DHRSX: variants seen among roughly 807,000 people sequenced by gnomAD.
DHRSX encodes the protein dehydrogenase/reductase X-linked, also known as polyprenol dehydrogenase.
In DHRSX, 31 loss-of-function variants were observed where a neutral mutation model predicts 34.0. The ratio of observed to expected loss-of-function variants is 0.91; its 90% CI spans 0.69 to 1.23. DHRSX has a LOEUF of 1.23. Ranked by LOEUF, DHRSX falls within the 50% of genes most tolerant of loss-of-function variation. The pLI is 0.00. For missense variants in DHRSX, 414 were observed against 428.1 expected, an observed-to-expected ratio of 0.97 and a Z score of 0.29; for synonymous variants, 201 against 183.8, an observed-to-expected ratio of 1.09 and a Z score of -0.76.
Position 2,453,110 on chromosome X carries a change from A to C in DHRSX, c.110-27806T>G, listed in dbSNP as rs2044247808. Among the ~76,000 whole-genome samples the C allele has an allele frequency of 4.6e-5, 7 of 152,338 alleles. No homozygotes were observed. The South Asian group carries it at 1.5e-3, about 32-fold the overall frequency. ...GGAAGATACAAGGTGAAGTGAAATG[A>C]AACAGGCACAGAGAGACAAATACCA... On this transcript the variant is annotated intron_variant, in intron 1 of 6. Transcript: ENST00000334651.
intron 5 of DHRSX, among the ~76,000 whole-genome samples, chrX:2,260,636 T>C (rs1248538868): frequency 6.6e-6 from 1 of 152,008 alleles, no homozygotes; most frequent in East Asian, 1.9e-4. Flanking sequence ...ATTTTTTGTA[T>C]TTTTAGTAGA....
intron 1 of DHRSX, among the ~76,000 whole-genome samples, chrX:2,494,070 C>T (rs776385722): frequency 2.0e-5 from 3 of 151,978 alleles, no homozygotes; most frequent in East Asian, 1.9e-4. Flanking sequence ...AGTTTGTACT[C>T]GGTTATTATT....
At chrX:2,290,062 T>C (rs1356559691) in intron 4 of DHRSX, among the ~76,000 whole-genome samples, 1 of 152,224 alleles carries the variant, frequency 6.6e-6, no homozygotes, top group Non-Finnish European at 1.5e-5. Context: ...ATCAAATACA[T>C]ATACAAATAC....
chrX:2,455,761 AC>A (rs1386626449), intron 1 of DHRSX, among the ~76,000 whole-genome samples: 16 of 150,446 alleles, frequency 1.1e-4, no homozygotes, highest in East Asian at 1.9e-4. Context: ...AAAAAAAAAA[AC>A]AATAAAAAGC....
chrX:2,351,198 G>A (rs1382722400), intron 3 of DHRSX, among the ~76,000 whole-genome samples: 1 of 152,166 alleles, frequency 6.6e-6, no homozygotes, highest in Admixed American at 6.6e-5. Flanking sequence ...GCACACCTAT[G>A]TAACGAACCT....
chrX:2,447,683 G>A (rs9803178), intron 1 of DHRSX, among the ~76,000 whole-genome samples: 41,841 of 148,458 alleles, frequency 0.28, 6,297 homozygotes, highest in South Asian at 0.41. Flanking sequence ...TAGACACACA[G>A]TGGAATAGTA....
At chrX:2,411,265 C>T (rs1024276951) in intron 2 of DHRSX, among the ~76,000 whole-genome samples, 14 of 152,100 alleles carry the variant, frequency 9.2e-5, no homozygotes, top group Admixed American at 4.6e-4. Flanking sequence ...AGGGTGCGGC[C>T]GGGTGCGGTG....
intron 3 of DHRSX, among the ~76,000 whole-genome samples, chrX:2,346,933 A>G (rs1310775714): frequency 2.6e-5 from 4 of 152,006 alleles, no homozygotes; most frequent in African/African-American, 9.7e-5. Context: ...GTTTGCTGAG[A>G]ATGATGGTTT....
At chrX:2,317,616 G>A in intron 3 of DHRSX, among the ~76,000 whole-genome samples, 1 of 150,454 alleles carries the variant, frequency 6.6e-6, no homozygotes, top group South Asian at 2.1e-4. Context: ...CAGGCAGGAG[G>A]GAAAGAGGAA....
chrX:2,256,999 G>T (rs901797680), intron 5 of DHRSX, among the ~76,000 whole-genome samples: 15 of 152,158 alleles, frequency 9.9e-5, no homozygotes, highest in African/African-American at 3.6e-4. Flanking sequence ...GCCCAGGCTG[G>T]AGTGCAGTGG....
intron 3 of DHRSX, among the ~76,000 whole-genome samples, chrX:2,298,947 T>C (rs952808428): frequency 7.3e-6 from 1 of 136,436 alleles, no homozygotes; most frequent in Non-Finnish European, 1.5e-5. Context: ...CTCGTGCCAT[T>C]GCACTCCAGC....
chrX:2,311,281 G>A (rs1206041627), intron 3 of DHRSX, among the ~76,000 whole-genome samples: 1 of 152,018 alleles, frequency 6.6e-6, no homozygotes, highest in African/African-American at 2.4e-5. Context: ...GGAGAGAGCT[G>A]CCTGGCATGG....
chrX:2,455,683 G>A (rs750100686), intron 1 of DHRSX, among the ~76,000 whole-genome samples: 1 of 148,058 alleles, frequency 6.8e-6, no homozygotes, highest in African/African-American at 2.5e-5. Context: ...GGAGGTTGCA[G>A]TGAGCCGAGA....
intron 4 of DHRSX, among the ~76,000 whole-genome samples, chrX:2,272,666 A>G (rs1215948108): frequency 1.3e-5 from 2 of 152,028 alleles, no homozygotes; most frequent in African/African-American, 4.8e-5. Flanking sequence ...GGCCCCAGGT[A>G]CCTGTTCTTG....
intron 6 of DHRSX, among the ~76,000 whole-genome samples, chrX:2,231,357 G>A (rs2015871997): frequency 6.6e-6 from 1 of 151,850 alleles, no homozygotes; most frequent in Non-Finnish European, 1.5e-5. Context: ...TCACCTCTGA[G>A]CCTGAGAGAA....
At chrX:2,322,914 GT>G (rs2042330208) in intron 3 of DHRSX, among the ~76,000 whole-genome samples, 2 of 151,974 alleles carry the variant, frequency 1.3e-5, no homozygotes, top group African/African-American at 4.8e-5. Context: ...GTCAACTCTA[GT>G]TTTTTGTTGT....
chrX:2,493,994 A>G (rs942855338), intron 1 of DHRSX, among the ~76,000 whole-genome samples: 1 of 151,816 alleles, frequency 6.6e-6, no homozygotes, highest in African/African-American at 2.4e-5. Context: ...AAAACAAAAA[A>G]AAAGATATAT....
At chrX:2,436,704 T>G (rs1262841087) in intron 1 of DHRSX, among the ~76,000 whole-genome samples, 1 of 151,598 alleles carries the variant, frequency 6.6e-6, no homozygotes, top group Non-Finnish European at 1.5e-5. Context: ...GCTCCATTGT[T>G]CAGGCTGATC....
chrX:2,220,944 G>A lies in DHRSX; in HGVS notation c.*97C>T, dbSNP rs2015505756. ...GAGGACAGAGCCCTGTGGGCAGGTG[G>A]GTGTGAGAAACTCAAACACCGCAGT... On this transcript the variant is annotated 3_prime_UTR_variant, in exon 7 of 7. Coordinates refer to ENST00000334651, the MANE Select transcript of DHRSX (RefSeq NM_145177.3). 14 of 1,189,086 alleles carry A rather than the reference G, an allele frequency of 1.2e-5. No individual in the cohort carries two copies. Among genetic ancestry groups the A allele is most frequent in the South Asian group, 4.4e-5 (3 of 68,408 alleles). 73.7% of individuals were successfully genotyped at this position (1,189,086 alleles called of 1,614,324 possible). A position where few individuals can be genotyped will look rare whatever the true frequency, so the allele number is the denominator to read the frequency against.
Sources: gnomAD v4.1 joint callset for allele counts (sites outside exome capture counted in the v4.1 genomes callset) on GRCh38, gnomAD v4.1.1 for gene constraint, MANE v1.5 for transcripts, NCBI Gene and HGNC (gene_info 2026-07-23, HGNC 2026-07-21) for gene names.